COMMD10: variants seen among roughly 807,000 people sequenced by gnomAD.
COMMD10 encodes COMM domain-containing protein 10.
COMMD10 carries 33 observed loss-of-function variants against 28.9 expected under a neutral mutation model. The observed-to-expected ratio is 1.14, with a 90% confidence interval of 0.87 to 1.53. The LOEUF (loss-of-function observed/expected upper bound fraction) is 1.53. Among genes scored for constraint, COMMD10 ranks in the 40% most tolerant of loss-of-function variants. COMMD10 has a pLI of 0.00. For synonymous variants in COMMD10, 110 were observed against 81.7 expected, an observed-to-expected ratio of 1.35 and a Z score of -1.87; for missense variants, 310 against 233.4, an observed-to-expected ratio of 1.33 and a Z score of -2.14.
intron 5 of COMMD10, among the ~76,000 whole-genome samples, chr5:116,287,084 T>C (rs1055396846): frequency 2.0e-5 from 3 of 151,824 alleles, no homozygotes; most frequent in Admixed American, 6.6e-5. Context: ...AATTGCATCT[T>C]TAAGCAAAAC....
At chr5:116,215,971 G>C (rs993607753) in intron 5 of COMMD10, among the ~76,000 whole-genome samples, 14 of 151,948 alleles carry the variant, frequency 9.2e-5, no homozygotes, top group African/African-American at 3.4e-4. Flanking sequence ...GGTCAAAATA[G>C]AAAAGCTATT....
chr5:116,131,886 T>A (rs1020323472), intron 4 of COMMD10, among the ~76,000 whole-genome samples: 1 of 152,192 alleles, frequency 6.6e-6, no homozygotes, highest in East Asian at 1.9e-4. Flanking sequence ...TAGTATGTTT[T>A]GGGAATCTTA....
intron 4 of COMMD10, among the ~76,000 whole-genome samples, chr5:116,101,417 T>TTTA (rs1561600462): frequency 7.9e-5 from 12 of 151,828 alleles, no homozygotes; most frequent in African/African-American, 2.9e-4. Context: ...CTTTTTTATT[T>TTTA]TTTATTTATT....
intron 1 of COMMD10, chr5:116,085,719 A>C (rs1750071128): frequency 6.6e-6 from 1 of 152,170 alleles, no homozygotes; most frequent in African/African-American, 2.4e-5. Context: ...AACATTATTT[A>C]AGTAAAAAAA....
intron 5 of COMMD10, among the ~76,000 whole-genome samples, chr5:116,180,567 T>C (rs1235784700): frequency 1.3e-5 from 2 of 152,110 alleles, no homozygotes; most frequent in African/African-American, 4.8e-5. Context: ...TGTGAAATTT[T>C]CTATTAGCAG....
At chr5:116,206,927 C>T (rs1366267100) in intron 5 of COMMD10, among the ~76,000 whole-genome samples, 1 of 151,946 alleles carries the variant, frequency 6.6e-6, no homozygotes, top group African/African-American at 2.4e-5. Flanking sequence ...TCTCCATCTC[C>T]TCAAAAAATT....
chr5:116,091,946 T>TA (rs1442940459), intron 3 of COMMD10, among the ~76,000 whole-genome samples: 1 of 152,222 alleles, frequency 6.6e-6, no homozygotes, highest in Non-Finnish European at 1.5e-5. Context: ...ACTACAGCCT[T>TA]ACATACATTA....
intron 5 of COMMD10, among the ~76,000 whole-genome samples, chr5:116,218,841 C>T (rs542869490): frequency 2.2e-4 from 34 of 152,176 alleles, no homozygotes; most frequent in African/African-American, 7.5e-4. Flanking sequence ...TTGAATAGGG[C>T]GTTGACTCTA....
Position 116,110,498 on chromosome 5 carries a change from G to A in COMMD10, c.399+17798G>A, listed in dbSNP as rs143688156. ...CAGCTGTGAATCCGTCTGGTCCTGC[G>A]TTTTTGGGGGGAAGATTTTATTACT... On this transcript the variant is annotated intron_variant, in intron 4 of 6. Transcript: ENST00000274458. Among the ~76,000 whole-genome samples the A allele has an allele frequency of 2.1e-3, 316 of 152,172 alleles. 2 individuals are homozygous for A. The highest frequency in any genetic ancestry group is 7.1e-3 in the African/African-American group (294 of 41,504).
chr5:116,128,738 G>T (rs963125164), intron 4 of COMMD10, among the ~76,000 whole-genome samples: 1 of 151,926 alleles, frequency 6.6e-6, no homozygotes, highest in Non-Finnish European at 1.5e-5. Context: ...ACAATGTAAG[G>T]AATTATTTAT....
intron 5 of COMMD10, among the ~76,000 whole-genome samples, chr5:116,174,777 C>G (rs1303187723): frequency 6.6e-6 from 1 of 152,122 alleles, no homozygotes; most frequent in Non-Finnish European, 1.5e-5. Flanking sequence ...TGGATCTTCT[C>G]TAGGTAGTAG....
chr5:116,174,552 C>T (rs181924135), intron 5 of COMMD10, among the ~76,000 whole-genome samples: 716 of 152,168 alleles, frequency 4.7e-3, no homozygotes, highest in Non-Finnish European at 7.5e-3. Context: ...CATTCAGTCA[C>T]GAGATGGTAG....
intron 4 of COMMD10, among the ~76,000 whole-genome samples, chr5:116,099,815 A>T (rs939507474): frequency 6.6e-6 from 1 of 151,952 alleles, no homozygotes; most frequent in Non-Finnish European, 1.5e-5. Flanking sequence ...CCTGCTATTG[A>T]GTTTGTGAGT....
chr5:116,110,674 T>A (rs1258408121), intron 4 of COMMD10, among the ~76,000 whole-genome samples: 1 of 152,184 alleles, frequency 6.6e-6, no homozygotes, highest in Admixed American at 6.5e-5. Flanking sequence ...TTTAATTGGC[T>A]TATGGTTCTG....
At chr5:116,215,448 G>T (rs7701751) in intron 5 of COMMD10, among the ~76,000 whole-genome samples, 48,642 of 151,088 alleles carry the variant, frequency 0.32, 11,053 homozygotes, top group African/African-American at 0.65. Context: ...TACCACTTTG[G>T]GAGGCCAAGG....
At chr5:116,144,716 T>C (rs528291583) in intron 5 of COMMD10, among the ~76,000 whole-genome samples, 16 of 151,922 alleles carry the variant, frequency 1.1e-4, no homozygotes, top group Non-Finnish European at 2.1e-4. Context: ...ACCTAGACAA[T>C]TATGATTTCA....
At chr5:116,264,494 A>G (rs1750531079) in intron 5 of COMMD10, among the ~76,000 whole-genome samples, 2 of 151,710 alleles carry the variant, frequency 1.3e-5, no homozygotes, top group African/African-American at 4.9e-5. Context: ...CAAAGATTAT[A>G]TTTTCTACAA....
At chr5:116,096,761 T>A (rs1199739389) in intron 4 of COMMD10, among the ~76,000 whole-genome samples, 1 of 152,110 alleles carries the variant, frequency 6.6e-6, no homozygotes, top group Non-Finnish European at 1.5e-5. Context: ...TTTTAAAAAT[T>A]CTGTATTCTT....
intron 5 of COMMD10, among the ~76,000 whole-genome samples, chr5:116,230,712 C>T (rs1580566845): frequency 1.3e-5 from 2 of 152,074 alleles, no homozygotes; most frequent in African/African-American, 4.8e-5. Flanking sequence ...CCAGCCCCCA[C>T]CTCAACTATA....
Sources: allele counts gnomAD v4.1 joint callset (sites outside exome capture counted in the v4.1 genomes callset), GRCh38; gene constraint gnomAD v4.1.1; transcripts MANE v1.5; gene names NCBI Gene and HGNC (gene_info 2026-07-23, HGNC 2026-07-21).